The following GLCE variants were observed in gnomAD, a reference collection of about 807,000 sequenced individuals.
GLCE encodes the protein glucuronic acid epimerase, also known as D-glucuronyl C5-epimerase.
In GLCE, 19 loss-of-function variants were observed where a neutral mutation model predicts 47.9. The ratio of observed to expected loss-of-function variants is 0.40; its 90% CI spans 0.28 to 0.58. GLCE has a LOEUF of 0.58. Among genes scored for constraint, GLCE ranks in the 20% least tolerant of loss-of-function variants. The probability of loss-of-function intolerance (pLI) is 0.48; values close to 1 mark genes in which losing one functional copy is unlikely to be tolerated. For missense variants in GLCE, 556 were observed against 743.3 expected (o/e 0.75, Z 2.93); for synonymous variants, 245 against 263.4 (o/e 0.93, Z 0.68).
At chr15:69,260,192 G>A (rs2052991649) in intron 3 of GLCE, among the ~76,000 whole-genome samples, 1 of 149,482 alleles carries the variant, frequency 6.7e-6, no homozygotes, top group African/African-American at 2.5e-5. Context: ...ATTTTAACAG[G>A]AAAGATATGA....
chr15:69,204,476 G>A (rs2052122743), intron 1 of GLCE, among the ~76,000 whole-genome samples: 2 of 151,630 alleles, frequency 1.3e-5, no homozygotes, highest in Non-Finnish European at 2.9e-5. Context: ...GTAGAGACAG[G>A]GTTTCACCAT....
chr15:69,266,370 A>G (rs979824964), intron 4 of GLCE, among the ~76,000 whole-genome samples: 1 of 151,682 alleles, frequency 6.6e-6, no homozygotes, highest in Admixed American at 6.6e-5. Context: ...TCATTCTGTC[A>G]CCCAGAACAA....
At chr15:69,252,362 A>G (rs974839388) in intron 2 of GLCE, among the ~76,000 whole-genome samples, 2 of 152,208 alleles carry the variant, frequency 1.3e-5, no homozygotes, top group African/African-American at 4.8e-5. Context: ...GCTTTTACTC[A>G]TGGCAGAAGG....
At chr15:69,205,172 C>A (rs2052133477) in intron 1 of GLCE, among the ~76,000 whole-genome samples, 1 of 151,906 alleles carries the variant, frequency 6.6e-6, no homozygotes, top group Non-Finnish European at 1.5e-5. Context: ...CCCCCCACCC[C>A]TCAATACCTG....
intron 1 of GLCE, among the ~76,000 whole-genome samples, chr15:69,165,544 C>A (rs960691224): frequency 2.9e-5 from 4 of 137,768 alleles, no homozygotes; most frequent in African/African-American, 8.2e-5. Context: ...TTTTAGTTAC[C>A]ATTTTTTCTT....
In GLCE at chr15:69,203,515, C is replaced by T. The variant is rs553886076; in HGVS notation, c.-104-6801C>T. On this transcript the variant is annotated intron_variant, in intron 1 of 4. Coordinates refer to ENST00000261858, the MANE Select transcript of GLCE (RefSeq NM_015554.3). ...GCATACAGATTTGCAATAGGTACTC[C>T]ATTCAGTGGGTTTTAATGGGTGTCA... Among the ~76,000 whole-genome samples the T allele has an allele frequency of 1.7e-4, 26 of 152,116 alleles. No homozygotes were observed. In the South Asian group the frequency reaches 5.0e-3, roughly 29 times the overall value.
Position 69,269,404 on chromosome 15 carries a change from G to A in GLCE, c.*160G>A. On this transcript the variant is annotated 3_prime_UTR_variant, in exon 5 of 5. Transcript: ENST00000261858. ...TTAAAACCAGCCTTCTAAAATAATTGCATTCCATGGGTTGGGTATTTAGAA... is the reference window on the plus strand; with the variant it reads ...TTAAAACCAGCCTTCTAAAATAATTACATTCCATGGGTTGGGTATTTAGAA... The A allele has an allele frequency of 1.6e-6, 1 of 617,456 alleles. No individual in the cohort carries two copies. Among genetic ancestry groups the A allele is most frequent in the South Asian group, 2.1e-5 (1 of 48,338 alleles). The allele number at this position is 617,456 out of a possible 1,614,324, so 38.2% of individuals were successfully genotyped here.
At chr15:69,181,423 A>ACTAG (rs1788762881) in intron 1 of GLCE, among the ~76,000 whole-genome samples, 1 of 152,230 alleles carries the variant, frequency 6.6e-6, no homozygotes, top group South Asian at 2.1e-4. Flanking sequence ...GAAATGAAGA[A>ACTAG]CTAGCAAAGG....
At chr15:69,211,847 C>T (rs2052237937) in intron 2 of GLCE, among the ~76,000 whole-genome samples, 1 of 151,964 alleles carries the variant, frequency 6.6e-6, no homozygotes, top group Non-Finnish European at 1.5e-5. Context: ...TTATATCCTG[C>T]ATAACCTGAA....
At chr15:69,233,486 C>A (rs1163137920) in intron 2 of GLCE, among the ~76,000 whole-genome samples, 2 of 152,194 alleles carry the variant, frequency 1.3e-5, no homozygotes, top group African/African-American at 4.8e-5. Flanking sequence ...TGAATGCTTT[C>A]TCCCTCCCAA....
At chr15:69,227,824 T>A (rs1319411958) in intron 2 of GLCE, among the ~76,000 whole-genome samples, 1 of 152,206 alleles carries the variant, frequency 6.6e-6, no homozygotes, top group African/African-American at 2.4e-5. Context: ...TTTTTATACA[T>A]GAGAAAATTC....
chr15:69,256,393 G>A lies in GLCE; in HGVS notation c.586+1G>A. ...GTCAAGTGCATAAGTGGGGTTGAAG[G>A]TTGGTATCTGTCTGCTTCACTTGCA... On this transcript the variant is annotated splice_donor_variant, in intron 3 of 4. Coordinates refer to ENST00000261858, the MANE Select transcript of GLCE (RefSeq NM_015554.3). LOFTEE classifies it high-confidence loss of function. 2 of 1,591,792 alleles carry A rather than the reference G, an allele frequency of 1.3e-6. No individual in the cohort carries two copies. The highest frequency in any genetic ancestry group is 4.5e-5 in the East Asian group (2 of 44,752).
chr15:69,257,004 C>T (rs971317908), intron 3 of GLCE, among the ~76,000 whole-genome samples: 1 of 152,186 alleles, frequency 6.6e-6, no homozygotes, highest in African/African-American at 2.4e-5. Flanking sequence ...ATCACTTAAA[C>T]AGAGGAAAGA....
Position 69,269,886 on chromosome 15 carries a change from T to G in GLCE, c.*642T>G, listed in dbSNP as rs2053142467. On this transcript the variant is annotated 3_prime_UTR_variant, in exon 5 of 5. Transcript: ENST00000261858. ...GTGTTCAGGCTTCAGTTATATAATG[T>G]AAGCACAACTAAAATGAAACTTGTT... The G allele has an allele frequency of 6.6e-6, 1 of 152,656 alleles. No homozygotes were observed. The highest frequency in any genetic ancestry group is 6.5e-5 in the Admixed American group (1 of 15,280). 9.5% of individuals were successfully genotyped at this position (152,656 alleles called of 1,614,324 possible).
At chr15:69,217,788 AATTT>A (rs1397749664) in intron 2 of GLCE, among the ~76,000 whole-genome samples, 1 of 152,210 alleles carries the variant, frequency 6.6e-6, no homozygotes, top group Non-Finnish European at 1.5e-5. Flanking sequence ...TAATCCTCAC[AATTT>A]ATTTAGTCTT....
chr15:69,213,890 A>G (rs1382234144), intron 2 of GLCE, among the ~76,000 whole-genome samples: 2 of 152,156 alleles, frequency 1.3e-5, no homozygotes, highest in African/African-American at 2.4e-5. Context: ...GTGTGAACTC[A>G]TAGATATTTA....
intron 1 of GLCE, among the ~76,000 whole-genome samples, chr15:69,161,522 C>G (rs1350373278): frequency 6.6e-6 from 1 of 151,640 alleles, no homozygotes. Flanking sequence ...AGCTGGCCCC[C>G]GGGCAGTCTC....
intron 4 of GLCE, among the ~76,000 whole-genome samples, chr15:69,267,453 C>G (rs1392809287): frequency 6.6e-6 from 1 of 152,240 alleles, no homozygotes; most frequent in Non-Finnish European, 1.5e-5. Context: ...GAGCTTTACC[C>G]TGTCACTCCA....
intron 2 of GLCE, among the ~76,000 whole-genome samples, chr15:69,243,868 G>A (rs2052710839): frequency 6.6e-6 from 1 of 152,058 alleles, no homozygotes; most frequent in Non-Finnish European, 1.5e-5. Context: ...TCGAACTCCT[G>A]GCTTCAAGTC....
Sources: gnomAD v4.1 joint callset for allele counts (sites outside exome capture counted in the v4.1 genomes callset) on GRCh38, gnomAD v4.1.1 for gene constraint, MANE v1.5 for transcripts, NCBI Gene and HGNC (gene_info 2026-07-23, HGNC 2026-07-21) for gene names.